The following RERG variants were observed in gnomAD, a reference collection of about 807,000 sequenced individuals.
RERG encodes the protein ras-related and estrogen-regulated growth inhibitor.
A neutral mutation model predicts 23.2 loss-of-function variants in RERG; 25 were observed. That is an observed-to-expected ratio of 1.08 (90% CI 0.79 to 1.50). The LOEUF (loss-of-function observed/expected upper bound fraction) is 1.50. Among genes scored for constraint, RERG ranks in the 40% most tolerant of loss-of-function variants. RERG has a pLI of 0.00. For synonymous variants in RERG, 81 were observed against 89.1 expected, an observed-to-expected ratio of 0.91 and a Z score of 0.51; for missense variants, 253 against 250.1, an observed-to-expected ratio of 1.01 and a Z score of -0.08.
chr12:15,207,990 A>G (rs1461977538), intron 2 of RERG, among the ~76,000 whole-genome samples: 1 of 152,150 alleles, frequency 6.6e-6, no homozygotes, highest in African/African-American at 2.4e-5. Flanking sequence ...ATCAAACACT[A>G]ATGTAAGGGT....
intron 2 of RERG, among the ~76,000 whole-genome samples, chr12:15,166,138 T>G (rs2136117858): frequency 6.6e-6 from 1 of 152,354 alleles, no homozygotes; most frequent in South Asian, 2.1e-4. Flanking sequence ...ATTTTTATTG[T>G]TATCAACTTC....
intron 2 of RERG, among the ~76,000 whole-genome samples, chr12:15,180,713 A>G (rs1864912341): frequency 6.6e-6 from 1 of 152,174 alleles, no homozygotes; most frequent in Non-Finnish European, 1.5e-5. Context: ...CATTTGTCCC[A>G]TGCACTACCA....
chr12:15,122,900 G>A (rs1863861027), intron 2 of RERG, among the ~76,000 whole-genome samples: 1 of 151,022 alleles, frequency 6.6e-6, no homozygotes, highest in Non-Finnish European at 1.5e-5. Flanking sequence ...TCGGGTTCAA[G>A]CAATTCTCCT....
At chr12:15,197,336 T>C (rs892414324) in intron 2 of RERG, among the ~76,000 whole-genome samples, 1 of 152,090 alleles carries the variant, frequency 6.6e-6, no homozygotes, top group African/African-American at 2.4e-5. Context: ...TGTGAAACAA[T>C]TGGGAGATGT....
chr12:15,208,204 C>T (rs1591670988), intron 2 of RERG, among the ~76,000 whole-genome samples: 1 of 152,042 alleles, frequency 6.6e-6, no homozygotes, highest in Admixed American at 6.6e-5. Flanking sequence ...TCAGTCTTGC[C>T]AGCTGCCACA....
intron 2 of RERG, among the ~76,000 whole-genome samples, chr12:15,166,074 AG>A (rs987844178): frequency 3.9e-5 from 6 of 152,322 alleles, no homozygotes; most frequent in African/African-American, 1.4e-4. Flanking sequence ...ACAGGGTAAA[AG>A]ACTTAACTCC....
intron 2 of RERG, among the ~76,000 whole-genome samples, chr12:15,145,497 T>G (rs1016434256): frequency 6.6e-6 from 1 of 152,208 alleles, no homozygotes; most frequent in African/African-American, 2.4e-5. Context: ...GCAGAGCCAC[T>G]CTGCAAATGG....
At chr12:15,192,475 T>C (rs1040747825) in intron 2 of RERG, among the ~76,000 whole-genome samples, 1 of 152,182 alleles carries the variant, frequency 6.6e-6, no homozygotes, top group Non-Finnish European at 1.5e-5. Flanking sequence ...ATATTGCATA[T>C]GCAATACCTT....
chr12:15,209,065 T>C (rs1865332106), intron 2 of RERG, among the ~76,000 whole-genome samples: 1 of 152,170 alleles, frequency 6.6e-6, no homozygotes, highest in Admixed American at 6.5e-5. Flanking sequence ...TGCTAGGCAG[T>C]CCATGGAGGA....
At chr12:15,138,655 A>AT (rs1306714684) in intron 2 of RERG, among the ~76,000 whole-genome samples, 2 of 151,636 alleles carry the variant, frequency 1.3e-5, no homozygotes, top group East Asian at 3.9e-4. Flanking sequence ...AAATTAGTTT[A>AT]TTTTTTTCTT....
At chr12:15,185,187 C>T (rs1005024674) in intron 2 of RERG, among the ~76,000 whole-genome samples, 1 of 152,094 alleles carries the variant, frequency 6.6e-6, no homozygotes, top group Non-Finnish European at 1.5e-5. Context: ...ATAAATCGGA[C>T]CCAAATTCTG....
intron 2 of RERG, among the ~76,000 whole-genome samples, chr12:15,145,164 G>A (rs1864309971): frequency 6.6e-6 from 1 of 152,122 alleles, no homozygotes; most frequent in African/African-American, 2.4e-5. Context: ...TGCTCCCCCA[G>A]TTCCCAAACA....
intron 3 of RERG, among the ~76,000 whole-genome samples, chr12:15,116,370 T>G (rs994531333): frequency 6.6e-6 from 1 of 152,256 alleles, no homozygotes; most frequent in South Asian, 2.1e-4. Flanking sequence ...AAAAGTTGTC[T>G]GAGAGACAGG....
At chr12:15,145,782 C>A (rs1180599181) in intron 2 of RERG, among the ~76,000 whole-genome samples, 1 of 152,188 alleles carries the variant, frequency 6.6e-6, no homozygotes, top group Non-Finnish European at 1.5e-5. Flanking sequence ...TGGCCGTAAA[C>A]CCACTAACAA....
chr12:15,152,691 G>A (rs1864462419), intron 2 of RERG, among the ~76,000 whole-genome samples: 1 of 152,154 alleles, frequency 6.6e-6, no homozygotes, highest in African/African-American at 2.4e-5. Context: ...ACTAGGAATA[G>A]AAATTTGCTC....
At chr12:15,198,289 G>A (rs781343816) in intron 2 of RERG, among the ~76,000 whole-genome samples, 52 of 152,154 alleles carry the variant, frequency 3.4e-4, no homozygotes, top group Middle Eastern at 3.4e-3. Context: ...TTCAGGCCAT[G>A]CCTAACCCAA....
Position 15,157,870 on chromosome 12 carries a change from C to T in RERG, c.62-36751G>A, listed in dbSNP as rs187866877. Among the ~76,000 whole-genome samples, 732 of 152,154 alleles carry T rather than the reference C, an allele frequency of 4.8e-3. 8 individuals are homozygous for T. Among genetic ancestry groups the T allele is most frequent in the African/African-American group, 0.017 (712 of 41,508 alleles). On this transcript the variant is annotated intron_variant, in intron 2 of 4. Coordinates refer to ENST00000256953, the MANE Select transcript of RERG (RefSeq NM_032918.3). ...CTCTCATATTCTGTTTATCCAGATCCACAAACTGTTTACATTTTTCCCATT... is the reference window on the plus strand; with the variant it reads ...CTCTCATATTCTGTTTATCCAGATCTACAAACTGTTTACATTTTTCCCATT...
chr12:15,123,656 AT>A (rs1046247925), intron 2 of RERG, among the ~76,000 whole-genome samples: 8 of 143,144 alleles, frequency 5.6e-5, no homozygotes, highest in Admixed American at 1.4e-4. Context: ...AGTTTATTAC[AT>A]TATTAATACA....
intron 2 of RERG, among the ~76,000 whole-genome samples, chr12:15,201,598 TAAC>T (rs1340668997): frequency 1.3e-5 from 2 of 148,692 alleles, no homozygotes; most frequent in African/African-American, 4.9e-5. Context: ...TATTAGTAAT[TAAC>T]AATAATAATA....
Sources: gnomAD v4.1 joint callset for allele counts (sites outside exome capture counted in the v4.1 genomes callset) on GRCh38, gnomAD v4.1.1 for gene constraint, MANE v1.5 for transcripts, NCBI Gene and HGNC (gene_info 2026-07-23, HGNC 2026-07-21) for gene names.